Variants in PHIP observed in about 807,000 individuals in gnomAD.
The protein encoded by PHIP is PHIP subunit of CUL4-Ring ligase complex, also known as PH-interacting protein.
Under a neutral mutation model 236.8 loss-of-function variants are expected in PHIP, and 54 were observed. The observed-to-expected ratio is 0.23, with a 90% CI of 0.18 to 0.29. PHIP has a LOEUF of 0.29. Among genes scored for constraint, PHIP ranks in the 10% least tolerant of loss-of-function variants. PHIP has a pLI of 1.00. For missense variants in PHIP, 1,370 were observed against 2,190.8 expected, an observed-to-expected ratio of 0.63 and a Z score of 7.48; for synonymous variants, 756 against 718.9, an observed-to-expected ratio of 1.05 and a Z score of -0.83.
chr6:78,978,861 G>A (rs1038424679), intron 23 of PHIP, 150 bp from the exon 24 acceptor site: 10 of 526,550 alleles, frequency 1.9e-5, no homozygotes, highest in Admixed American at 1.2e-4. Flanking sequence ...GTGTATCCAT[G>A]GGTTCCACAT....
intron 6 of PHIP, among the ~76,000 whole-genome samples, chr6:79,058,691 A>G (rs1221120355): frequency 1.3e-5 from 2 of 152,144 alleles, no homozygotes; most frequent in African/African-American, 4.8e-5. Context: ...AAAAGAGTAA[A>G]TAAATAGAAA....
intron 20 of PHIP, among the ~76,000 whole-genome samples, chr6:78,990,127 T>C (rs1315911811): frequency 2.0e-5 from 3 of 152,186 alleles, no homozygotes; most frequent in African/African-American, 7.2e-5. Flanking sequence ...GGCCAGTTAT[T>C]TATTTTTCCT....
intron 4 of PHIP, among the ~76,000 whole-genome samples, chr6:79,061,377 T>G (rs1773368794): frequency 6.6e-6 from 1 of 152,168 alleles, no homozygotes; most frequent in Non-Finnish European, 1.5e-5. Flanking sequence ...GTCCCTCAGA[T>G]AAAACTTATG....
chr6:78,955,676 C>T lies in PHIP; in HGVS notation c.3789G>A (p.Gln1263=). ...AAAGTGGAATTATGTTATAACAAGT[C>T]TGATCCCTACATAACAAGGAAATGT... ...TDLLLHFIKD[Q]TCYNIIPLYN... Residue 1263 remains glutamine, a synonymous_variant, in exon 33 of 40, where the codon CAG becomes CAA. Coordinates refer to ENST00000275034, the MANE Select transcript of PHIP (RefSeq NM_017934.7). 9.6e-7 allele frequency: 1 copy of T among 1,036,938 alleles called. No homozygotes were observed. The highest frequency in any genetic ancestry group is 1.9e-5 in the Admixed American group (1 of 51,946). 64.2% of individuals were successfully genotyped at this position (1,036,938 alleles called of 1,614,324 possible). A position where few individuals can be genotyped will look rare whatever the true frequency, so the allele number is the denominator to read the frequency against.
intron 19 of PHIP, among the ~76,000 whole-genome samples, chr6:78,991,849 CTTAATT>C (rs1769268757): frequency 6.8e-6 from 1 of 146,034 alleles, no homozygotes; most frequent in African/African-American, 2.6e-5. Flanking sequence ...TTTTTTTGTT[CTTAATT>C]TTTTTTTTTT....
intron 15 of PHIP, among the ~76,000 whole-genome samples, chr6:79,008,361 G>GA (rs1053081752): frequency 1.4e-4 from 21 of 150,450 alleles, no homozygotes; most frequent in Non-Finnish European, 1.9e-4. Flanking sequence ...TACATAAAAT[G>GA]AAAAAAAAAT....
At position 79,015,146 on chromosome 6, in the gene PHIP, T is replaced by C; in HGVS notation, c.1460A>G (p.His487Arg). 1 of 1,611,566 alleles carries C rather than the reference T, an allele frequency of 6.2e-7. No homozygotes were observed. Among genetic ancestry groups the C allele is most frequent in the Non-Finnish European group, 8.5e-7 (1 of 1,177,984 alleles). ...FDPRVLFSAG[H>R]DGNVIVWDLA... ...ATCCCACACTATCACGTTTCCATCA[T>C]GACCAGCAGAAAAGAGAACTCTAGG... Residue 487 changes from histidine (H) to arginine (R), a missense_variant, in exon 15 of 40, where the codon CAT (histidine) becomes CGT (arginine). His to Arg is a conservative substitution (Grantham distance 29, BLOSUM62 0). This residue lies in a region of PHIP where 188 missense variants were observed against 354.3 expected (regional missense o/e 0.53). Transcript: ENST00000275034.
intron 9 of PHIP, among the ~76,000 whole-genome samples, chr6:79,025,127 T>C (rs1482049128): frequency 6.6e-6 from 1 of 152,160 alleles, no homozygotes; most frequent in Non-Finnish European, 1.5e-5. Flanking sequence ...TAAAATAAAA[T>C]CTAAAGTTTA....
At chr6:78,960,291 A>T (rs888471810) in intron 31 of PHIP, among the ~76,000 whole-genome samples, 2 of 152,276 alleles carry the variant, frequency 1.3e-5, no homozygotes, top group Middle Eastern at 3.4e-3. Flanking sequence ...TCAGCAGCTT[A>T]TATTTCTAGT....
In PHIP at chr6:78,937,080, A is replaced by G. The variant is rs1773298467; in HGVS notation, c.*3613T>C. On this transcript the variant is annotated 3_prime_UTR_variant, in exon 40 of 40. Coordinates refer to ENST00000275034, the MANE Select transcript of PHIP (RefSeq NM_017934.7). ...TACTTCCCCTATTATGACTTTTAAA[A>G]TCATGTAACTCCTGCATATAAGCAG... 1 of 151,808 alleles carries G rather than the reference A, an allele frequency of 6.6e-6. No homozygotes were observed. Among genetic ancestry groups the G allele is most frequent in the South Asian group, 2.1e-4 (1 of 4,832 alleles). 9.4% of individuals were successfully genotyped at this position (151,808 alleles called of 1,614,324 possible). A position where few individuals can be genotyped will look rare whatever the true frequency, so the allele number is the denominator to read the frequency against.
intron 7 of PHIP, among the ~76,000 whole-genome samples, chr6:79,035,511 TAAAAG>T (rs1771886803): frequency 6.6e-6 from 1 of 152,140 alleles, no homozygotes; most frequent in African/African-American, 2.4e-5. Context: ...GACATGAAAA[TAAAAG>T]AAATTATGTG....
chr6:79,058,327 T>C (rs1239166158), intron 6 of PHIP, among the ~76,000 whole-genome samples: 5 of 152,112 alleles, frequency 3.3e-5, no homozygotes, highest in Non-Finnish European at 7.4e-5. Context: ...TCTCAGAATG[T>C]ATCTCCTGTG....
At chr6:78,966,312 CTTG>C (rs1388833766) in intron 27 of PHIP, among the ~76,000 whole-genome samples, 2 of 152,212 alleles carry the variant, frequency 1.3e-5, no homozygotes, top group Non-Finnish European at 2.9e-5. Flanking sequence ...CAGAAATTCA[CTTG>C]TTTTAGGCAT....
At chr6:79,018,432 G>A (rs117728587) in intron 10 of PHIP, among the ~76,000 whole-genome samples, 10 of 151,730 alleles carry the variant, frequency 6.6e-5, no homozygotes, top group East Asian at 3.9e-4. Flanking sequence ...TAAAATGAGC[G>A]GAAAAAGTAA....
At chr6:78,943,482 A>G (rs1053154855) in intron 39 of PHIP, among the ~76,000 whole-genome samples, 2 of 152,228 alleles carry the variant, frequency 1.3e-5, no homozygotes, top group Non-Finnish European at 2.9e-5. Context: ...TTCAGTTCAG[A>G]AAGGGGGCAG....
chr6:79,042,613 T>A (rs1772280736), intron 7 of PHIP, among the ~76,000 whole-genome samples: 1 of 152,070 alleles, frequency 6.6e-6, no homozygotes, highest in East Asian at 1.9e-4. Flanking sequence ...ATTCATGATG[T>A]ACAACCATAT....
chr6:79,022,171 C>T lies in PHIP; in HGVS notation c.924-3012G>A, dbSNP rs534821383. On this transcript the variant is annotated intron_variant, in intron 9 of 39. Coordinates refer to ENST00000275034, the MANE Select transcript of PHIP (RefSeq NM_017934.7). ...CTAGGTCTATCACTTATCAAGAGTGCGACCTTAGGCCAAGTTAACATTTCT... is the reference window on the plus strand; with the variant it reads ...CTAGGTCTATCACTTATCAAGAGTGTGACCTTAGGCCAAGTTAACATTTCT... Among the ~76,000 whole-genome samples the T allele has an allele frequency of 2.3e-4, 35 of 152,238 alleles. 1 individual carries two copies. The highest frequency in any genetic ancestry group is 1.6e-3 in the Admixed American group (24 of 15,296).
chr6:78,940,896 C>G lies in PHIP; in HGVS notation c.5263G>C (p.Glu1755Gln), dbSNP rs563243550. The G allele has an allele frequency of 3.5e-5, 56 of 1,613,674 alleles. No homozygotes were observed. In the African/African-American group the frequency reaches 6.7e-4, roughly 19 times the overall value. The stretch of plus-strand genomic sequence containing the variant: ...TCAGAGCCTTTGAGTTCTTCAAACT[C>G]TTCTTCCTCATCTATAGGATCATCT... ...KIDDPIDEEE[E>Q]FEELKGSEPH... is the part of the protein sequence containing the mutation. The change falls in exon 40 of 40, where the codon GAG (glutamate) becomes CAG (glutamine). Residue 1755 changes from glutamate to glutamine, a missense_variant. By Grantham distance (29) the Glu-to-Gln change is conservative. Around this residue, in one of 14 missense-constraint regions of PHIP, gnomAD observed 309 missense variants for 328.3 expected, o/e 0.94. Transcript: ENST00000275034.
At chr6:78,970,656 T>A in intron 25 of PHIP, 125 bp downstream of exon 25, 1 of 645,224 alleles carries the variant, frequency 1.5e-6, no homozygotes. Context: ...CTAGGACTGC[T>A]TCAATTAAAC....
Sources: allele counts gnomAD v4.1 joint callset (sites outside exome capture counted in the v4.1 genomes callset), GRCh38; gene constraint gnomAD v4.1.1; regional missense constraint gnomAD v4.1.1; transcripts MANE v1.5; gene names NCBI Gene and HGNC (gene_info 2026-07-23, HGNC 2026-07-21).